PKIB: variants seen among roughly 807,000 people sequenced by gnomAD.
PKIB encodes the protein PKI-beta.
Under a neutral mutation model 4.5 loss-of-function variants are expected in PKIB, and 2 were observed. The ratio of observed to expected loss-of-function variants is 0.44; its 90% CI spans 0.18 to 1.39. The LOEUF (loss-of-function observed/expected upper bound fraction) is 1.39. PKIB is among the 40% of genes most tolerant of loss of function. The pLI is 0.27. For synonymous variants in PKIB, 38 were observed against 36.0 expected (o/e 1.06, Z -0.20); for missense variants, 94 against 92.6 (o/e 1.02, Z -0.06).
At chr6:122,552,365 G>GTTGTT (rs985903934) in intron 2 of PKIB, among the ~76,000 whole-genome samples, 10 of 151,664 alleles carry the variant, frequency 6.6e-5, no homozygotes, top group African/African-American at 2.4e-4. Context: ...CAGTTTTGTT[G>GTTGTT]TTGTTTTGTT....
chr6:122,647,710 A>T (rs1776382105), intron 2 of PKIB, among the ~76,000 whole-genome samples: 1 of 152,256 alleles, frequency 6.6e-6, no homozygotes, highest in Non-Finnish European at 1.5e-5. Flanking sequence ...AATCTTAAAT[A>T]CATGTGCACA....
At chr6:122,499,836 C>T (rs1188962103) in intron 2 of PKIB, among the ~76,000 whole-genome samples, 1 of 152,060 alleles carries the variant, frequency 6.6e-6, no homozygotes, top group African/African-American at 2.4e-5. Context: ...CAAAAGCCTC[C>T]TAGAACTGAA....
At chr6:122,506,625 C>G (rs1232238247) in intron 2 of PKIB, among the ~76,000 whole-genome samples, 1 of 151,578 alleles carries the variant, frequency 6.6e-6, no homozygotes, top group Non-Finnish European at 1.5e-5. Flanking sequence ...TGTAAAGGTC[C>G]CCTTAGGAGA....
Position 122,645,734 on chromosome 6 carries a change from C to T in PKIB, c.-76+12367C>T, listed in dbSNP as rs114260494. Among the ~76,000 whole-genome samples, 557 of 152,154 alleles carry T rather than the reference C, an allele frequency of 3.7e-3. 4 individuals carry two copies. Among genetic ancestry groups the T allele is most frequent in the African/African-American group, 0.013 (532 of 41,520 alleles). ...GCAGAGACTCTGTTAGGTGGGGCCA[C>T]GGGTTAAAGGATACTTGTGACATCC... On this transcript the variant is annotated intron_variant, in intron 2 of 4. Transcript: ENST00000368452.
chr6:122,647,345 C>CAAA (rs1323166198), intron 2 of PKIB, among the ~76,000 whole-genome samples: 1 of 152,186 alleles, frequency 6.6e-6, no homozygotes, highest in African/African-American at 2.4e-5. Flanking sequence ...ACACAAACAC[C>CAAA]TAGGTGAGTG....
intron 1 of PKIB, among the ~76,000 whole-genome samples, chr6:122,615,108 T>G (rs1250770878): frequency 2.0e-5 from 3 of 152,200 alleles, no homozygotes. Context: ...ACCACTCTTC[T>G]TTTCAGTTCC....
chr6:122,681,514 G>T (rs1777894781), intron 3 of PKIB, among the ~76,000 whole-genome samples: 1 of 151,984 alleles, frequency 6.6e-6, no homozygotes, highest in South Asian at 2.1e-4. Flanking sequence ...TATTGTAATT[G>T]CATTTCTCCT....
At chr6:122,676,859 T>A (rs1777693412) in intron 3 of PKIB, among the ~76,000 whole-genome samples, 2 of 152,228 alleles carry the variant, frequency 1.3e-5, no homozygotes, top group South Asian at 4.1e-4. Context: ...TTCAGTTTCA[T>A]TGCATACATT....
chr6:122,493,054 T>C (rs1425986347), intron 2 of PKIB, among the ~76,000 whole-genome samples: 1 of 152,246 alleles, frequency 6.6e-6, no homozygotes, highest in Non-Finnish European at 1.5e-5. Flanking sequence ...CTATTGTCTA[T>C]CTAAACTCAA....
intron 2 of PKIB, among the ~76,000 whole-genome samples, chr6:122,655,867 A>G (rs1448701419): frequency 6.6e-6 from 1 of 152,174 alleles, no homozygotes; most frequent in East Asian, 1.9e-4. Context: ...TTATTCTTCT[A>G]TGTATAAAAT....
chr6:122,710,143 A>C (rs541450450), intron 3 of PKIB, among the ~76,000 whole-genome samples: 9 of 152,292 alleles, frequency 5.9e-5, no homozygotes, highest in African/African-American at 2.2e-4. Flanking sequence ...GATATGTTCC[A>C]GTCTCTCTAC....
At chr6:122,635,547 T>TA (rs79870623) in intron 2 of PKIB, among the ~76,000 whole-genome samples, 2,020 of 83,564 alleles carry the variant, frequency 0.024, 16 homozygotes, top group East Asian at 0.046. Context: ...ACCAAAAAAG[T>TA]AAAAAAAAAA....
chr6:122,594,807 G>A (rs375904873), intron 3 of PKIB, among the ~76,000 whole-genome samples: 6 of 152,134 alleles, frequency 3.9e-5, no homozygotes, highest in South Asian at 2.1e-4. Context: ...AGCAGGGCAT[G>A]GTAATACTGA....
intron 2 of PKIB, among the ~76,000 whole-genome samples, chr6:122,565,590 A>G (rs1174846095): frequency 6.6e-6 from 1 of 152,226 alleles, no homozygotes; most frequent in Non-Finnish European, 1.5e-5. Flanking sequence ...GTCTAAGAGT[A>G]TGACAGGTAA....
Position 122,673,146 on chromosome 6 carries a change from A to AAT in PKIB, c.-75-1930_-75-1929dup, listed in dbSNP as rs559448770. On this transcript the variant is annotated intron_variant, in intron 2 of 4. Transcript: ENST00000368452. ...TTTTTTTTTATTTTGGTTGTGTTGC[A>AAT]ATAGACAAGGATAGGTGGATTTCTG... 2.3e-4 allele frequency among the ~76,000 whole-genome samples: 33 copies of AAT among 145,496 alleles called. No homozygotes were observed. In the South Asian group the frequency reaches 7.5e-3, roughly 33 times the overall value.
Position 122,695,877 on chromosome 6 carries a change from C to G in PKIB, c.-9+20733C>G, listed in dbSNP as rs552361841. Among the ~76,000 whole-genome samples, 26 of 152,218 alleles carry G rather than the reference C, an allele frequency of 1.7e-4. No homozygotes were observed. In the South Asian group the frequency reaches 5.4e-3, roughly 32 times the overall value. On this transcript the variant is annotated intron_variant, in intron 3 of 4. Transcript: ENST00000368452. The stretch of plus-strand genomic sequence containing the variant: ...TCCTCTCTCTTCTCTCCCTCCCTCT[C>G]TGACATCTGTGGTAAAGATTAAATA...
At chr6:122,698,013 A>G (rs1040871159) in intron 3 of PKIB, among the ~76,000 whole-genome samples, 3 of 152,154 alleles carry the variant, frequency 2.0e-5, no homozygotes, top group Non-Finnish European at 2.9e-5. Flanking sequence ...AAAAATATAC[A>G]TATGAGGTGA....
chr6:122,550,653 A>G (rs1350275656), intron 2 of PKIB, among the ~76,000 whole-genome samples: 2 of 152,120 alleles, frequency 1.3e-5, no homozygotes, highest in Non-Finnish European at 2.9e-5. Flanking sequence ...TCCCTTTTCT[A>G]TTTGAATGAA....
chr6:122,583,882 A>G (rs1773777920), intron 2 of PKIB, among the ~76,000 whole-genome samples: 1 of 152,094 alleles, frequency 6.6e-6, no homozygotes, highest in African/African-American at 2.4e-5. Flanking sequence ...TTCCTTTTTT[A>G]TGCTGGGCTA....
Sources: gnomAD v4.1 joint callset for allele counts (sites outside exome capture counted in the v4.1 genomes callset) on GRCh38, gnomAD v4.1.1 for gene constraint, MANE v1.5 for transcripts, NCBI Gene and HGNC (gene_info 2026-07-23, HGNC 2026-07-21) for gene names.